CFH: variants seen among roughly 807,000 people sequenced by gnomAD.
CFH encodes the protein H factor 1 (complement).
A neutral mutation model predicts 147.3 loss-of-function variants in CFH; 53 were observed. The ratio of observed to expected loss-of-function variants is 0.36; its 90% CI spans 0.29 to 0.45. The LOEUF is 0.45. CFH is among the 20% of genes least tolerant of loss of function. CFH has a pLI of 1.00. For synonymous variants in CFH, 536 were observed against 489.4 expected, an observed-to-expected ratio of 1.10 and a Z score of -1.26; for missense variants, 1,380 against 1,498.0, an observed-to-expected ratio of 0.92 and a Z score of 1.30.
chr1:196,732,282 C>T (rs1275604309), intron 15 of CFH, among the ~76,000 whole-genome samples: 1 of 151,808 alleles, frequency 6.6e-6, no homozygotes, highest in Non-Finnish European at 1.5e-5. Context: ...ATGAATACCT[C>T]TTTAAAACTT....
At position 196,737,494 on chromosome 1, in the gene CFH, A is replaced by G. The variant is rs2149113468; in HGVS notation, c.2616A>G (p.Gln872=). ...PLCVEKIPCS[Q]PPQIEHGTIN... ...ATTTAGAAAAAATTCCATGTTCACA[A>G]CCACCTCAGATAGAACACGGAACCA... The change falls in exon 17 of 22, where the codon CAA becomes CAG. Residue 872 remains glutamine, a synonymous_variant. Coordinates refer to ENST00000367429, the MANE Select transcript of CFH (RefSeq NM_000186.4). 5 of 1,612,606 alleles carry G rather than the reference A, an allele frequency of 3.1e-6. No homozygotes were observed. The East Asian group carries it at 8.9e-5, about 29-fold the overall frequency.
chr1:196,669,558 T>C (rs1368524307), intron 1 of CFH, among the ~76,000 whole-genome samples: 4 of 152,204 alleles, frequency 2.6e-5, no homozygotes, highest in Non-Finnish European at 5.9e-5. Flanking sequence ...CTTGGGCCAT[T>C]GCTTCAGATA....
intron 9 of CFH, among the ~76,000 whole-genome samples, chr1:196,691,006 T>G (rs34705877): frequency 0.015 from 2,214 of 152,180 alleles, 57 homozygotes; most frequent in African/African-American, 0.05. Flanking sequence ...CCAGCTTGCT[T>G]GTCTATGTTT....
chr1:196,714,605 G>GTA, intron 10 of CFH, among the ~76,000 whole-genome samples: 1 of 136,556 alleles, frequency 7.3e-6, no homozygotes, highest in Admixed American at 7.5e-5. Context: ...ATATGTGTGT[G>GTA]TGTGTGTGTG....
intron 1 of CFH, among the ~76,000 whole-genome samples, chr1:196,670,312 A>G (rs1667234325): frequency 6.6e-6 from 1 of 152,076 alleles, no homozygotes; most frequent in Non-Finnish European, 1.5e-5. Context: ...TTATGTTTTG[A>G]AATGTGAGGA....
chr1:196,687,221 T>C (rs750108917), intron 7 of CFH, among the ~76,000 whole-genome samples: 6 of 152,060 alleles, frequency 3.9e-5, no homozygotes, highest in Non-Finnish European at 7.4e-5. Flanking sequence ...AACTTTATGA[T>C]GGAAACACCA....
Position 196,741,973 on chromosome 1 carries a change from G to T in CFH, c.3055G>T (p.Ala1019Ser). The T allele has an allele frequency of 6.2e-7, 1 of 1,614,152 alleles. No individual in the cohort carries two copies. Among genetic ancestry groups the T allele is most frequent in the Non-Finnish European group, 8.5e-7 (1 of 1,180,006 alleles). Residue 1019 changes from alanine (A) to serine (S), a missense_variant, in exon 19 of 22, where the codon GCA becomes TCA. By Grantham distance (99) the Ala-to-Ser change is moderately conservative. This residue lies in a region of CFH where 830 missense variants were observed against 821.4 expected (regional missense o/e 1.01). Transcript: ENST00000367429. ...KAGEQVTYTC[A>S]TYYKMDGASN... ...GGGTGAGCAAGTGACTTACACTTGT[G>T]CAACATATTACAAAATGGATGGAGC...
intron 9 of CFH, among the ~76,000 whole-genome samples, chr1:196,691,713 TTC>T (rs1391526096): frequency 6.6e-6 from 1 of 151,934 alleles, no homozygotes; most frequent in Non-Finnish European, 1.5e-5. Flanking sequence ...GCTAGTATTT[TTC>T]TTTCCTTTTT....
At position 196,740,606 on chromosome 1, in the gene CFH, C is replaced by CA; in HGVS notation, c.2783-13_2783-12insA. The CA allele has an allele frequency of 7.2e-7, 1 of 1,396,660 alleles. No individual in the cohort carries two copies. The highest frequency in any genetic ancestry group is 9.8e-7 in the Non-Finnish European group (1 of 1,016,312). 86.5% of individuals were successfully genotyped at this position (1,396,660 alleles called of 1,614,324 possible). The stretch of plus-strand genomic sequence containing the variant: ...TGAGTTAGTGAAACCTGAATTCATT[C>CA]TTTTTTTTTTAGGCCTTCCTTGTAA... On this transcript the variant is annotated splice_polypyrimidine_tract_variant and intron_variant, in intron 17 of 21. Coordinates refer to ENST00000367429, the MANE Select transcript of CFH (RefSeq NM_000186.4).
At chr1:196,689,718 G>A in intron 8 of CFH, 104 bp downstream of exon 8, 1 of 1,280,510 alleles carries the variant, frequency 7.8e-7, no homozygotes, top group Non-Finnish European at 1.1e-6. Flanking sequence ...CAGAAATAGG[G>A]CCAAGAAAAG....
intron 9 of CFH, 150 bp downstream of exon 9, chr1:196,690,389 T>C: frequency 9.6e-7 from 1 of 1,042,824 alleles, no homozygotes; most frequent in Non-Finnish European, 1.5e-6. Flanking sequence ...TTTTCAACTG[T>C]GTATAAATGA....
At chr1:196,695,125 T>G (rs12033127) in intron 9 of CFH, among the ~76,000 whole-genome samples, 95,466 of 151,966 alleles carry the variant, frequency 0.63, 30,496 homozygotes, top group East Asian at 0.95. Context: ...TTTTCTATGG[T>G]TTTTATGGTT....
Position 196,679,704 on chromosome 1 carries a change from A to C in CFH, c.701A>C (p.Gln234Pro). 1 of 1,610,532 alleles carries C rather than the reference A, an allele frequency of 6.2e-7. No individual in the cohort carries two copies. The highest frequency in any genetic ancestry group is 8.5e-7 in the Non-Finnish European group (1 of 1,177,390). Residue 234 changes from glutamine (Q) to proline (P), a missense_variant, in exon 6 of 22, where the codon CAA becomes CCA. Coordinates refer to ENST00000367429, the MANE Select transcript of CFH (RefSeq NM_000186.4). ...KIIYKENERF[Q>P]YKCNMGYEYS... ...ATTTATAAGGAGAATGAACGATTTC[A>C]ATATAAATGTAACATGGGTTATGAA...
chr1:196,738,641 G>C (rs1652675770), intron 17 of CFH, among the ~76,000 whole-genome samples: 1 of 152,182 alleles, frequency 6.6e-6, no homozygotes, highest in Non-Finnish European at 1.5e-5. Context: ...CAAGAGATGG[G>C]CTCCCACAGC....
chr1:196,696,079 G>A (rs1008897657), intron 9 of CFH, among the ~76,000 whole-genome samples: 27 of 151,882 alleles, frequency 1.8e-4, no homozygotes, highest in Admixed American at 1.1e-3. Context: ...AATTAACAAA[G>A]ATATTCCCAA....
In CFH at chr1:196,746,642, TGTGA is replaced by T. The variant is rs1321596596; in HGVS notation, c.3494-466_3494-463del. Among the ~76,000 whole-genome samples the T allele has an allele frequency of 3.3e-5, 5 of 152,126 alleles. No individual in the cohort carries two copies. The South Asian group carries it at 6.2e-4, about 19-fold the overall frequency. ...GCTTAGCATTGGGTGTAGGTGGGTG[TGTGA>T]GTATGTGTGTGTGTGTTTGTGGTGA... On this transcript the variant is annotated intron_variant, in intron 21 of 21. Coordinates refer to ENST00000367429, the MANE Select transcript of CFH (RefSeq NM_000186.4).
At chr1:196,713,961 C>G (rs781256554) in intron 10 of CFH, 44 bp downstream of exon 10, 11 of 1,537,698 alleles carry the variant, frequency 7.2e-6, no homozygotes, top group Middle Eastern at 1.7e-4. Flanking sequence ...AGATGATACA[C>G]AAAAGTTTAC....
At position 196,652,993 on chromosome 1, in the gene CFH, C is replaced by T. The variant is rs576116148; in HGVS notation, c.58+818C>T. ...AGTTATGTGATAGATATTTGGTAAA[C>T]ATTTTTAAACTGAATGAATTACATA... On this transcript the variant is annotated intron_variant, in intron 1 of 21. Transcript: ENST00000367429. 9.9e-5 allele frequency among the ~76,000 whole-genome samples: 15 copies of T among 151,820 alleles called. 1 individual carries two copies. The East Asian group carries it at 2.7e-3, about 27-fold the overall frequency.
At chr1:196,741,740 T>C (rs981309555) in intron 18 of CFH, 135 bp from the exon 19 acceptor site, 3 of 750,212 alleles carry the variant, frequency 4.0e-6, no homozygotes, top group African/African-American at 3.5e-5. Context: ...GCTAATATAT[T>C]TTCTCAAGTT....
Sources: gnomAD v4.1 joint callset for allele counts (sites outside exome capture counted in the v4.1 genomes callset) on GRCh38, gnomAD v4.1.1 for gene constraint, gnomAD v4.1.1 regional missense constraint, MANE v1.5 for transcripts, NCBI Gene and HGNC (gene_info 2026-07-23, HGNC 2026-07-21) for gene names.